The following ZNF717 variants were observed in gnomAD, a reference collection of about 807,000 sequenced individuals.
The protein encoded by ZNF717 is zinc finger protein 717.
ZNF717 carries 9 observed loss-of-function variants against 13.8 expected under a neutral mutation model. The ratio of observed to expected loss-of-function variants is 0.65; its 90% CI spans 0.39 to 1.14. ZNF717 has a LOEUF of 1.14. Ranked by LOEUF, ZNF717 falls within the 50% of genes most tolerant of loss-of-function variation. The pLI, the probability that ZNF717 is intolerant of heterozygous loss-of-function variation, is 0.01. For synonymous variants in ZNF717, 327 were observed against 364.1 expected, an observed-to-expected ratio of 0.90 and a Z score of 1.16; for missense variants, 1,040 against 1,080.7, an observed-to-expected ratio of 0.96 and a Z score of 0.53.
chr3:75,715,343 G>A (rs1160667068), intron 5 of ZNF717, among the ~76,000 whole-genome samples: 88 of 152,284 alleles, frequency 5.8e-4, no homozygotes, highest in African/African-American at 2.1e-3. Context: ...GTCTGGACAG[G>A]AAAGATTTTC....
At chr3:75,778,152 C>T (rs1042919677) in intron 2 of ZNF717, among the ~76,000 whole-genome samples, 2 of 151,472 alleles carry the variant, frequency 1.3e-5, no homozygotes, top group African/African-American at 4.9e-5. Context: ...AAAACCAGAA[C>T]CCAAAACAAT....
intron 2 of ZNF717, among the ~76,000 whole-genome samples, chr3:75,781,436 T>C (rs923151006): frequency 5.9e-5 from 9 of 152,204 alleles, no homozygotes; most frequent in African/African-American, 2.2e-4. Flanking sequence ...AATCGTTTAT[T>C]GCTCAACTAA....
rs1238641364 is a variant in ZNF717 at position 75,711,584 on chromosome 3, T to C, written n.668-268A>G. 2.6e-5 allele frequency among the ~76,000 whole-genome samples: 4 copies of C among 152,178 alleles called. No homozygotes were observed. In the East Asian group the frequency reaches 7.7e-4, roughly 29 times the overall value. On this transcript the variant is annotated intron_variant and non_coding_transcript_variant, in intron 5 of 5. Coordinates refer to the ZNF717 transcript ENST00000491507. ...GCTGAGGCAGGTAGATCACTTCAAC[T>C]TGGGAGTTTGAGATCAGCCTGGGCA...
chr3:75,782,154 T>G (rs1320662437), intron 2 of ZNF717, among the ~76,000 whole-genome samples: 3 of 152,020 alleles, frequency 2.0e-5, no homozygotes, highest in African/African-American at 7.2e-5. Context: ...AGTAAGGCAA[T>G]CACAGTCCCC....
chr3:75,745,711 G>A (rs1941089150), intron 2 of ZNF717, among the ~76,000 whole-genome samples: 1 of 151,682 alleles, frequency 6.6e-6, no homozygotes, highest in South Asian at 2.1e-4. Flanking sequence ...GTCATGTCAT[G>A]ATATATTTGT....
At chr3:75,745,980 C>T (rs750819404) in intron 2 of ZNF717, among the ~76,000 whole-genome samples, 2 of 152,052 alleles carry the variant, frequency 1.3e-5, no homozygotes, top group Non-Finnish European at 1.5e-5. Flanking sequence ...CCCAGTAACT[C>T]GTAATTTACA....
Position 75,738,407 on chromosome 3 carries a change from G to T in ZNF717, c.1216C>A (p.Gln406Lys). Residue 406 changes from glutamine (Q) to lysine (K), a missense_variant, in exon 5 of 5, where the codon CAG (glutamine) becomes AAG (lysine). Around this residue, in one of 3 missense-constraint regions of ZNF717, gnomAD observed 873 missense variants for 832.8 expected, o/e 1.05. Coordinates refer to ENST00000652011, the MANE Select transcript of ZNF717 (RefSeq NM_001290208.3). ...TGATGTATTGTGAGGTATGACTTCT[G>T]GCTAAAGGTTTTTCCACATTCACTA... is the stretch of plus-strand genomic sequence containing the variant. ...QCSECGKTFS[Q>K]KSYLTIHHRT... 6.5e-7 allele frequency: 1 copy of T among 1,531,896 alleles called. No individual in the cohort carries two copies. The highest frequency in any genetic ancestry group is 1.2e-5 in the South Asian group (1 of 83,022). The allele number at this position is 1,531,896 out of a possible 1,614,324, so 94.9% of individuals were successfully genotyped here.
chr3:75,700,852 G>A (rs1937678734), intron 6 of ZNF717, among the ~76,000 whole-genome samples: 2 of 152,418 alleles, frequency 1.3e-5, no homozygotes, highest in South Asian at 2.1e-4. Context: ...GAAAACATTG[G>A]AGAAACTCTT....
intron 2 of ZNF717, among the ~76,000 whole-genome samples, chr3:75,754,157 G>A (rs1469110958): frequency 1.3e-5 from 2 of 152,228 alleles, no homozygotes; most frequent in South Asian, 4.1e-4. Flanking sequence ...CCAGATCTGT[G>A]AGCAATAATC....
chr3:75,736,868 G>C lies in ZNF717; in HGVS notation c.*10C>G, dbSNP rs76880869. On this transcript the variant is annotated 3_prime_UTR_variant, in exon 5 of 5. Transcript: ENST00000652011. Reference sequence around the variant, plus strand: ...CTGTAATAGTAGCCAGAGAGGTGTAGGTTGTGTGTTCAAGGGAAAAAAGAG... The same window carrying C: ...CTGTAATAGTAGCCAGAGAGGTGTACGTTGTGTGTTCAAGGGAAAAAAGAG... 2 of 1,537,586 alleles carry C rather than the reference G, an allele frequency of 1.3e-6. No individual in the cohort carries two copies.
downstream of ZNF717, among the ~76,000 whole-genome samples, chr3:75,707,074 C>G (rs1937817228): frequency 6.6e-6 from 1 of 152,306 alleles, no homozygotes; most frequent in African/African-American, 2.4e-5. Context: ...TAAGAATGAG[C>G]TGTCACATTT....
intron 2 of ZNF717, among the ~76,000 whole-genome samples, chr3:75,779,183 G>C (rs1009035589): frequency 2.6e-5 from 4 of 151,116 alleles, no homozygotes; most frequent in Non-Finnish European, 5.9e-5. Context: ...AACAATGGGA[G>C]TGATGTGCTA....
In ZNF717 at chr3:75,736,928, C is replaced by A; in HGVS notation, c.2695G>T (p.Val899Leu). Reference sequence around the variant, plus strand: ...GGGAACACATAGCCTGCCTCAGCTACGTCAGATTTCTCTCCTATATGGGTT... The same window carrying A: ...GGGAACACATAGCCTGCCTCAGCTAAGTCAGATTTCTCTCCTATATGGGTT... ...QQTHIGEKSD[V>L]AEAGYVFPQN... Residue 899 changes from valine (V) to leucine (L), a missense_variant, in exon 5 of 5, where the codon GTA (valine) becomes TTA (leucine). Transcript: ENST00000652011. 1 of 1,561,898 alleles carries A rather than the reference C, an allele frequency of 6.4e-7. No individual in the cohort carries two copies. Among genetic ancestry groups the A allele is most frequent in the Non-Finnish European group, 8.7e-7 (1 of 1,153,360 alleles).
rs150835839 is a variant in ZNF717, at chr3:75,765,035, ATGTG to A, written c.57+18267_57+18270del. Among the ~76,000 whole-genome samples the A allele has an allele frequency of 5.4e-3, 438 of 81,790 alleles. 5 individuals carry two copies. Among genetic ancestry groups the A allele is most frequent in the African/African-American group, 0.016 (400 of 24,436 alleles). The allele number at this position is 81,790 out of a possible 152,430, so 53.7% of individuals were successfully genotyped here. On this transcript the variant is annotated intron_variant, in intron 2 of 4. Coordinates refer to ENST00000652011, the MANE Select transcript of ZNF717 (RefSeq NM_001290208.3). Reference sequence around the variant, plus strand: ...TATATATATATATATATATATGTATATGTGTGTGTGTGTGTGTGTGTGTATATGT... The same window carrying A: ...TATATATATATATATATATATGTATATGTGTGTGTGTGTGTGTGTATATGT...
chr3:75,697,304 T>A (rs1341850509), intron 6 of ZNF717, among the ~76,000 whole-genome samples: 1 of 152,312 alleles, frequency 6.6e-6, no homozygotes, highest in East Asian at 1.9e-4. Context: ...CTGATAAGGT[T>A]TGAATATGTG....
In ZNF717 at chr3:75,764,990, GATATATATATATATATAT is replaced by G. The variant is rs71101852; in HGVS notation, c.57+18298_57+18315del. ...CCAGGAATGGACGGATAAACAAAAG[GATATATATATATATATAT>G]ATATATATATATATATATATATGTA... On this transcript the variant is annotated intron_variant, in intron 2 of 4. Coordinates refer to ENST00000652011, the MANE Select transcript of ZNF717 (RefSeq NM_001290208.3). 4.9e-4 allele frequency among the ~76,000 whole-genome samples: 50 copies of G among 102,352 alleles called. No individual in the cohort carries two copies. In the Middle Eastern group the frequency reaches 0.017, roughly 34 times the overall value. The allele number at this position is 102,352 out of a possible 152,430, so 67.1% of individuals were successfully genotyped here.
chr3:75,760,285 C>T (rs1248099795), intron 2 of ZNF717, among the ~76,000 whole-genome samples: 1 of 152,202 alleles, frequency 6.6e-6, no homozygotes, highest in Non-Finnish European at 1.5e-5. Flanking sequence ...CTCAGATGAT[C>T]CGCCCGCCTC....
intron 2 of ZNF717, among the ~76,000 whole-genome samples, chr3:75,777,920 G>C (rs1379539337): frequency 2.0e-5 from 3 of 149,186 alleles, no homozygotes; most frequent in Non-Finnish European, 4.4e-5. Context: ...AACAATGCGA[G>C]TGACATGCTA....
chr3:75,764,805 C>A (rs576699165), intron 2 of ZNF717, among the ~76,000 whole-genome samples: 12 of 152,050 alleles, frequency 7.9e-5, no homozygotes, highest in African/African-American at 2.9e-4. Context: ...GAAATATGAA[C>A]TGGCTCCTCA....
Sources: gnomAD v4.1 joint callset for allele counts (sites outside exome capture counted in the v4.1 genomes callset) on GRCh38, gnomAD v4.1.1 for gene constraint, gnomAD v4.1.1 regional missense constraint, MANE v1.5 for transcripts, NCBI Gene and HGNC (gene_info 2026-07-23, HGNC 2026-07-21) for gene names.